The following EPB41L3 variants were observed in gnomAD, a reference collection of about 807,000 sequenced individuals.
The protein encoded by EPB41L3 is erythrocyte membrane protein band 4.1 like 3, also known as band 4.1-like protein 3.
In EPB41L3, 57 loss-of-function variants were observed where a neutral mutation model predicts 127.1. The observed-to-expected ratio is 0.45, with a 90% CI of 0.36 to 0.56. The LOEUF (loss-of-function observed/expected upper bound fraction) is 0.56, where lower values mean the gene tolerates loss of function less well. EPB41L3 is among the 20% of genes least tolerant of loss of function. EPB41L3 has a pLI of 0.00. For missense variants in EPB41L3, 1,273 were observed against 1,372.2 expected, an observed-to-expected ratio of 0.93 and a Z score of 1.14; for synonymous variants, 572 against 549.5, an observed-to-expected ratio of 1.04 and a Z score of -0.57.
chr18:5,571,024 A>G (rs769817951), intron 3 of EPB41L3: 4 of 152,292 alleles, frequency 2.6e-5, no homozygotes, highest in Admixed American at 2.0e-4. Flanking sequence ...TCCACTACAC[A>G]TGGAGAATTA....
At chr18:5,567,877 C>T (rs75786970) in intron 3 of EPB41L3, among the ~76,000 whole-genome samples, 11,836 of 152,088 alleles carry the variant, frequency 0.078, 570 homozygotes, top group East Asian at 0.19. Flanking sequence ...TTGTAACAAT[C>T]ACTTAATCCA....
intron 3 of EPB41L3, among the ~76,000 whole-genome samples, chr18:5,473,839 AGT>A (rs1419609592): frequency 3.9e-5 from 6 of 152,184 alleles, no homozygotes; most frequent in Non-Finnish European, 5.9e-5. Context: ...AATCTGGCAG[AGT>A]GTAAATATTT....
At chr18:5,561,058 A>T (rs1348317915) in intron 3 of EPB41L3, among the ~76,000 whole-genome samples, 5 of 146,682 alleles carry the variant, frequency 3.4e-5, no homozygotes, top group Non-Finnish European at 7.5e-5. Flanking sequence ...GCTCACTGCA[A>T]GCTCCGCCTC....
chr18:5,402,516 T>C (rs147554143), intron 16 of EPB41L3, among the ~76,000 whole-genome samples: 4 of 152,286 alleles, frequency 2.6e-5, no homozygotes, highest in African/African-American at 9.6e-5. Context: ...CTCTGTCTTA[T>C]AATTGAAAAT....
chr18:5,584,148 C>G (rs138112632), intron 3 of EPB41L3, among the ~76,000 whole-genome samples: 1 of 152,144 alleles, frequency 6.6e-6, no homozygotes, highest in Non-Finnish European at 1.5e-5. Flanking sequence ...CTGACCTGGG[C>G]TCCACCTTTG....
At chr18:5,423,327 T>C in intron 11 of EPB41L3, 51 bp downstream of exon 11, 5 of 1,479,842 alleles carry the variant, frequency 3.4e-6, no homozygotes, top group Non-Finnish European at 2.7e-6. Context: ...CAGTTTCACA[T>C]TCTTTTTGGG....
chr18:5,418,589 C>A (rs1185440185), intron 12 of EPB41L3, among the ~76,000 whole-genome samples: 1 of 152,128 alleles, frequency 6.6e-6, no homozygotes, highest in Non-Finnish European at 1.5e-5. Flanking sequence ...TAGAACAAAG[C>A]ACATTTTAAC....
At chr18:5,497,886 T>C (rs2091323754) in intron 1 of EPB41L3, among the ~76,000 whole-genome samples, 1 of 152,352 alleles carries the variant, frequency 6.6e-6, no homozygotes, top group South Asian at 2.1e-4. Context: ...AATGGATAAA[T>C]GACATCTGTA....
At chr18:5,434,179 G>C in intron 6 of EPB41L3, 58 bp from the exon 7 acceptor site, 2 of 1,442,540 alleles carry the variant, frequency 1.4e-6, no homozygotes. Context: ...AGGAAAAGGA[G>C]GTCGCTTGGT....
chr18:5,467,980 C>T (rs552644513), intron 3 of EPB41L3, among the ~76,000 whole-genome samples: 7 of 152,188 alleles, frequency 4.6e-5, no homozygotes, highest in Non-Finnish European at 8.8e-5. Context: ...CCCCTACAGG[C>T]TTGTAAGTGC....
At chr18:5,442,783 T>C (rs979194023) in intron 5 of EPB41L3, among the ~76,000 whole-genome samples, 4 of 152,274 alleles carry the variant, frequency 2.6e-5, no homozygotes, top group African/African-American at 7.2e-5. Context: ...GGTAAAAAAA[T>C]TTTAAAAACT....
chr18:5,481,361 A>G (rs2088472530), intron 2 of EPB41L3, among the ~76,000 whole-genome samples: 1 of 152,182 alleles, frequency 6.6e-6, no homozygotes, highest in African/African-American at 2.4e-5. Context: ...GAAAAACTCC[A>G]TGCAGATGGT....
intron 3 of EPB41L3, among the ~76,000 whole-genome samples, chr18:5,604,357 A>T (rs920776473): frequency 9.9e-5 from 15 of 151,962 alleles, no homozygotes; most frequent in Non-Finnish European, 2.9e-5. Context: ...AATATTTGCC[A>T]TTTGCTGCTT....
At chr18:5,410,691 G>A (rs2076093639) in intron 13 of EPB41L3, 72 bp from the exon 14 acceptor site, 4 of 1,246,468 alleles carry the variant, frequency 3.2e-6, no homozygotes, top group Non-Finnish European at 3.5e-6. Context: ...GGTTAAACAC[G>A]CTCTGGCACA....
At chr18:5,394,611 G>A in intron 22 of EPB41L3, 66 bp downstream of exon 22, 2 of 1,176,056 alleles carry the variant, frequency 1.7e-6, no homozygotes, top group Non-Finnish European at 2.5e-6. Flanking sequence ...GGTGAAGGAT[G>A]AGAGGGAAGT....
chr18:5,561,411 C>T (rs1271052463), intron 3 of EPB41L3, among the ~76,000 whole-genome samples: 2 of 151,926 alleles, frequency 1.3e-5, no homozygotes, highest in Non-Finnish European at 2.9e-5. Flanking sequence ...GAAAGAGCTC[C>T]TAATGGCCAA....
chr18:5,467,903 C>T (rs2147373138), intron 3 of EPB41L3, among the ~76,000 whole-genome samples: 1 of 152,308 alleles, frequency 6.6e-6, no homozygotes, highest in African/African-American at 2.4e-5. Context: ...GGAGCCTCAC[C>T]TTCCTGCCCA....
At chr18:5,581,849 T>A (rs1434437368) in intron 3 of EPB41L3, among the ~76,000 whole-genome samples, 1 of 151,712 alleles carries the variant, frequency 6.6e-6, no homozygotes, top group Non-Finnish European at 1.5e-5. Flanking sequence ...GATGAAAAAA[T>A]TAGCTCAGCC....
intron 21 of EPB41L3, 72 bp downstream of exon 21, chr18:5,394,995 C>T (rs746164962): frequency 5.3e-5 from 76 of 1,429,998 alleles, no homozygotes; most frequent in African/African-American, 1.1e-4. Flanking sequence ...AGAGGAATAG[C>T]ATTGAAACTG....
Sources: gnomAD v4.1 joint callset for allele counts (sites outside exome capture counted in the v4.1 genomes callset) on GRCh38, gnomAD v4.1.1 for gene constraint, MANE v1.5 for transcripts, NCBI Gene and HGNC (gene_info 2026-07-23, HGNC 2026-07-21) for gene names.